Variants in KIF13B observed in about 807,000 individuals in gnomAD.
KIF13B encodes the protein kinesin-like protein KIF13B.
A neutral mutation model predicts 222.0 loss-of-function variants in KIF13B; 127 were observed. That is an observed-to-expected ratio of 0.57 (90% CI 0.50 to 0.66). The LOEUF (loss-of-function observed/expected upper bound fraction) is 0.66, where lower values mean the gene tolerates loss of function less well. Among genes scored for constraint, KIF13B ranks in the 30% least tolerant of loss-of-function variants. KIF13B has a pLI of 0.00. For missense variants in KIF13B, 2,173 were observed against 2,379.0 expected (o/e 0.91, Z 1.80); for synonymous variants, 976 against 919.0 (o/e 1.06, Z -1.12).
intron 11 of KIF13B, among the ~76,000 whole-genome samples, chr8:29,166,704 C>A (rs75412667): frequency 1.0e-3 from 132 of 128,072 alleles, no homozygotes; most frequent in Admixed American, 1.1e-3. Context: ...AACTCCACCT[C>A]AAAAAAAAAA....
chr8:29,230,268 T>C (rs1032144478), intron 2 of KIF13B, among the ~76,000 whole-genome samples: 1 of 152,188 alleles, frequency 6.6e-6, no homozygotes, highest in Non-Finnish European at 1.5e-5. Flanking sequence ...AACTCTTGCC[T>C]TTCCCATCCC....
At chr8:29,098,042 G>A (rs969245989) in intron 36 of KIF13B, among the ~76,000 whole-genome samples, 3 of 151,460 alleles carry the variant, frequency 2.0e-5, no homozygotes, top group Non-Finnish European at 4.4e-5. Flanking sequence ...ATGGTGGCAC[G>A]TGCCTGCAGT....
intron 2 of KIF13B, among the ~76,000 whole-genome samples, chr8:29,213,679 T>G (rs1030624663): frequency 6.6e-6 from 1 of 152,136 alleles, no homozygotes; most frequent in Non-Finnish European, 1.5e-5. Flanking sequence ...CCAGGCACAG[T>G]GGCTCACGCC....
chr8:29,078,967 C>T (rs532497167), intron 37 of KIF13B, among the ~76,000 whole-genome samples: 1 of 152,310 alleles, frequency 6.6e-6, no homozygotes, highest in South Asian at 2.1e-4. Context: ...TGTGTTTTAA[C>T]TCTGGCTTTC....
rs560086356 is a variant in KIF13B at position 29,167,198 on chromosome 8, A to T, written c.1158+175T>A. ...TTAACATCTGTAAAACCTCTTTGGA[A>T]TTCTAATATGACAACCTTCCTTTAT... On this transcript the variant is annotated intron_variant, in intron 11 of 39. Coordinates refer to ENST00000524189, the MANE Select transcript of KIF13B (RefSeq NM_015254.4). 4.6e-5 allele frequency among the ~76,000 whole-genome samples: 7 copies of T among 152,296 alleles called. No homozygotes were observed. The East Asian group carries it at 1.4e-3, about 29-fold the overall frequency.
At chr8:29,174,184 A>T (rs1812381660) in intron 10 of KIF13B, among the ~76,000 whole-genome samples, 1 of 152,114 alleles carries the variant, frequency 6.6e-6, no homozygotes, top group Admixed American at 6.5e-5. Context: ...TATAGTCCTT[A>T]GACTGCCCAT....
Position 29,177,564 on chromosome 8 carries a change from T to C in KIF13B, c.735A>G (p.Lys245=). 1 of 1,612,268 alleles carries C rather than the reference T, an allele frequency of 6.2e-7. No individual in the cohort carries two copies. The highest frequency in any genetic ancestry group is 8.5e-7 in the Non-Finnish European group (1 of 1,178,382). The change falls in exon 9 of 40, where the codon AAA becomes AAG. Residue 245 remains lysine (K), a synonymous_variant. Coordinates refer to ENST00000524189, the MANE Select transcript of KIF13B (RefSeq NM_015254.4). ...AATCCACCAGGCTGAGTTTGCCCACTTTCTCTCCAGATGTCTACAAAGGAA... is the reference window on the plus strand; with the variant it reads ...AATCCACCAGGCTGAGTTTGCCCACCTTCTCTCCAGATGTCTACAAAGGAA... The part of the protein sequence containing the change: ...YDVKSGTSGE[K]VGKLSLVDLA...
chr8:29,105,989 C>G (rs1809050060), intron 35 of KIF13B, among the ~76,000 whole-genome samples: 2 of 152,128 alleles, frequency 1.3e-5, no homozygotes, highest in South Asian at 4.1e-4. Context: ...TTGGCCACTT[C>G]TTTCAAGGAA....
rs1050903600 is a variant in KIF13B at position 29,072,232 on chromosome 8, G to A, written c.4606C>T (p.Pro1536Ser). ...LKICDKPAKV[P>S]SPPPVIAVTA... The stretch of plus-strand genomic sequence containing the variant: ...ACAGCTATGACAGGCGGTGGGGAAG[G>A]CACTTTGGCAGGTTTGTCGCAGATC... Residue 1536 changes from proline (P) to serine (S), a missense_variant, in exon 39 of 40, where the codon CCT becomes TCT. Coordinates refer to ENST00000524189, the MANE Select transcript of KIF13B (RefSeq NM_015254.4). 2.7e-5 allele frequency: 39 copies of A among 1,471,570 alleles called. No individual in the cohort carries two copies. Among genetic ancestry groups the A allele is most frequent in the Non-Finnish European group, 3.4e-5 (38 of 1,112,350 alleles). 91.2% of individuals were successfully genotyped at this position (1,471,570 alleles called of 1,614,324 possible).
chr8:29,095,565 G>A (rs766823994), intron 36 of KIF13B, among the ~76,000 whole-genome samples: 10 of 152,120 alleles, frequency 6.6e-5, no homozygotes, highest in African/African-American at 2.2e-4. Context: ...CCTGGAGTTC[G>A]AGACCAGCCT....
At chr8:29,237,329 T>C (rs1586967572) in intron 2 of KIF13B, among the ~76,000 whole-genome samples, 1 of 152,100 alleles carries the variant, frequency 6.6e-6, no homozygotes, top group African/African-American at 2.4e-5. Flanking sequence ...CTAAACTGTG[T>C]TCATAATTAG....
intron 3 of KIF13B, 111 bp downstream of exon 3, chr8:29,196,076 T>C: frequency 1.0e-6 from 1 of 960,874 alleles, no homozygotes; most frequent in Non-Finnish European, 1.6e-6. Flanking sequence ...CTTGCATTAC[T>C]TGTACAAAAT....
At chr8:29,220,562 A>T (rs1312016441) in intron 2 of KIF13B, among the ~76,000 whole-genome samples, 1 of 151,770 alleles carries the variant, frequency 6.6e-6, no homozygotes, top group Non-Finnish European at 1.5e-5. Context: ...TAAAAAAAAA[A>T]GTCTATATTA....
rs368165412 is a variant in KIF13B at position 29,071,645 on chromosome 8, G to C, written c.5193C>G (p.Val1731=). The C allele has an allele frequency of 6.4e-7, 1 of 1,554,592 alleles. No individual in the cohort carries two copies. The highest frequency in any genetic ancestry group is 1.2e-5 in the South Asian group (1 of 84,240). The change falls in exon 39 of 40, where the codon GTC becomes GTG. Residue 1731 remains valine, a synonymous_variant. Transcript: ENST00000524189. The surrounding 1 kb of genome is among the most constrained non-coding windows in gnomAD (Gnocchi z 4.9). ...GPADFQEGTW[V]GVELDLPSGK... is the part of the protein sequence containing the mutation. ...CTGAGGGCAGGTCGAGCTCCACGCC[G>C]ACCCACGTGCCCTCTTGGAAGTCGG...
rs1343838797 is a variant in KIF13B at position 29,139,952 on chromosome 8, T to C, written c.2613+111A>G. 3.1e-6 allele frequency: 3 copies of C among 958,788 alleles called. No individual in the cohort carries two copies. The East Asian group carries it at 8.0e-5, about 26-fold the overall frequency. 59.4% of individuals were successfully genotyped at this position (958,788 alleles called of 1,614,324 possible). ...ATCTAAAGACCTGCAGTTCTCAAAA[T>C]CAGCTATTAGGTTGGTGCAAAAGTA... On this transcript the variant is annotated intron_variant, in intron 21 of 39. Coordinates refer to ENST00000524189, the MANE Select transcript of KIF13B (RefSeq NM_015254.4).
Position 29,070,859 on chromosome 8 carries a change from C to T in KIF13B, c.5219-93G>A. On this transcript the variant is annotated intron_variant, in intron 39 of 39. Coordinates refer to ENST00000524189, the MANE Select transcript of KIF13B (RefSeq NM_015254.4). This position sits in a 1 kb window ranked among gnomAD's most constrained non-coding sequence, Gnocchi z 4.1. The stretch of plus-strand genomic sequence containing the variant: ...CCTCTGCAGAGGCCATGTGCCCACA[C>T]TGCCACCCCCCCGCACAGGCCCTAC... 7.4e-7 allele frequency: 1 copy of T among 1,353,626 alleles called. No homozygotes were observed. Among genetic ancestry groups the T allele is most frequent in the Non-Finnish European group, 1.0e-6 (1 of 978,300 alleles). 83.9% of individuals were successfully genotyped at this position (1,353,626 alleles called of 1,614,324 possible).
chr8:29,159,466 T>TTAATAGGCAAGGATAATATGTGTA (rs1287311466), intron 13 of KIF13B, among the ~76,000 whole-genome samples: 2 of 152,180 alleles, frequency 1.3e-5, no homozygotes, highest in Admixed American at 6.5e-5. Flanking sequence ...ATATCATTTT[T>TTAATAGGCAAGGATAATATGTGTA]TAATAGGCAA....
chr8:29,111,847 G>C (rs1172907049), intron 32 of KIF13B, among the ~76,000 whole-genome samples: 1 of 152,204 alleles, frequency 6.6e-6, no homozygotes, highest in Non-Finnish European at 1.5e-5. Context: ...TAAACAGTAA[G>C]TCTCTAGCTA....
chr8:29,129,999 C>A (rs1408704599), intron 24 of KIF13B, among the ~76,000 whole-genome samples: 2 of 152,230 alleles, frequency 1.3e-5, no homozygotes, highest in Non-Finnish European at 2.9e-5. Context: ...ATTTTACAAT[C>A]TGAATGCTTA....
Sources: gnomAD v4.1 joint callset for allele counts (sites outside exome capture counted in the v4.1 genomes callset) on GRCh38, gnomAD v4.1.1 for gene constraint, Gnocchi (gnomAD v3.1) non-coding constraint, MANE v1.5 for transcripts, NCBI Gene and HGNC (gene_info 2026-07-23, HGNC 2026-07-21) for gene names.